VPS13B: variants seen among roughly 807,000 people sequenced by gnomAD.
VPS13B encodes vacuolar protein sorting 13 homolog B.
In VPS13B, 285 loss-of-function variants were observed where a neutral mutation model predicts 426.4. That is an observed-to-expected ratio of 0.67 (90% CI 0.61 to 0.74). The LOEUF (loss-of-function observed/expected upper bound fraction) is 0.74. VPS13B is among the 30% of genes least tolerant of loss of function. VPS13B has a pLI of 0.00. For missense variants in VPS13B, 4,537 were observed against 4,782.6 expected, an observed-to-expected ratio of 0.95 and a Z score of 1.51; for synonymous variants, 1,676 against 1,676.4, an observed-to-expected ratio of 1.00 and a Z score of 0.01.
chr8:99,574,916 C>T (rs973482690), intron 31 of VPS13B, among the ~76,000 whole-genome samples: 1 of 152,164 alleles, frequency 6.6e-6, no homozygotes, highest in African/African-American at 2.4e-5. Context: ...GTAATCCCAG[C>T]ACTTTGAGAG....
At chr8:99,536,832 C>T in intron 30 of VPS13B, 1 of 508,810 alleles carries the variant, frequency 2.0e-6, no homozygotes, top group Non-Finnish European at 4.1e-6. Flanking sequence ...TTTAAGAACA[C>T]CTGATAAAAC....
intron 17 of VPS13B, among the ~76,000 whole-genome samples, chr8:99,266,653 G>C (rs757115125): frequency 1.3e-5 from 2 of 152,074 alleles, no homozygotes; most frequent in South Asian, 4.1e-4. Flanking sequence ...GTGAGTTCTA[G>C]AGGGACGTGA....
rs1185446194 is a variant in VPS13B at position 99,821,308 on chromosome 8, T to G, written c.9009T>G (p.Ile3003Met). 6.2e-7 allele frequency: 1 copy of G among 1,613,432 alleles called. No individual in the cohort carries two copies. Among genetic ancestry groups the G allele is most frequent in the Non-Finnish European group, 8.5e-7 (1 of 1,179,688 alleles). ...IPPNFQEAFQ[I>M]GIYWANTNTV... is the part of the protein sequence containing the mutation. ...TATTTTTCCAGGAAGCTTTTCAAATTGGAATATACTGGGCAAATACAAACA... is the reference window on the plus strand; with the variant it reads ...TATTTTTCCAGGAAGCTTTTCAAATGGGAATATACTGGGCAAATACAAACA... The change falls in exon 50 of 62, where the codon ATT becomes ATG. Residue 3003 changes from isoleucine (I) to methionine (M), a missense_variant. Physicochemically the swap from Ile to Met is conservative, Grantham distance 10. Coordinates refer to ENST00000357162, the MANE Select transcript of VPS13B (RefSeq NM_152564.5).
In VPS13B at chr8:99,531,655, AT is replaced by A. The variant is rs1822943019; in HGVS notation, c.4745+10651del. ...AACAATTATGACTATTTTCACATGT[AT>A]TTTTTATATAGCAAAATTATAGCAA... On this transcript the variant is annotated intron_variant, in intron 30 of 61. Transcript: ENST00000357162. Among the ~76,000 whole-genome samples the A allele has an allele frequency of 2.0e-5, 3 of 152,014 alleles. No homozygotes were observed. In the South Asian group the frequency reaches 6.2e-4, roughly 32 times the overall value.
intron 39 of VPS13B, among the ~76,000 whole-genome samples, chr8:99,748,682 C>A (rs16897656): frequency 0.088 from 13,316 of 152,018 alleles, 1,036 homozygotes; most frequent in African/African-American, 0.21. Flanking sequence ...GTGCTTGACT[C>A]CTTTTTTTTG....
intron 21 of VPS13B, among the ~76,000 whole-genome samples, chr8:99,419,700 A>G (rs1816267565): frequency 6.6e-6 from 1 of 152,212 alleles, no homozygotes; most frequent in South Asian, 2.1e-4. Context: ...TCAAATAAAA[A>G]TGAAACCACA....
At chr8:99,563,822 T>G (rs1449179048) in intron 31 of VPS13B, among the ~76,000 whole-genome samples, 1 of 152,240 alleles carries the variant, frequency 6.6e-6, no homozygotes, top group Non-Finnish European at 1.5e-5. Context: ...AATGTGAATG[T>G]TTATGAAAGA....
chr8:99,835,480 G>A, intron 53 of VPS13B, 59 bp from the exon 54 acceptor site: 1 of 1,559,816 alleles, frequency 6.4e-7, no homozygotes, highest in South Asian at 1.1e-5. Context: ...ATTATGTTCT[G>A]TCCCCCAAGT....
At chr8:99,658,986 C>T (rs1039650290) in intron 34 of VPS13B, among the ~76,000 whole-genome samples, 3 of 152,006 alleles carry the variant, frequency 2.0e-5, no homozygotes, top group Admixed American at 6.6e-5. Flanking sequence ...GGTGCCACCA[C>T]GCCCAGCTAA....
At chr8:99,559,581 G>A (rs542634833) in intron 31 of VPS13B, among the ~76,000 whole-genome samples, 43 of 152,252 alleles carry the variant, frequency 2.8e-4, no homozygotes, top group African/African-American at 1.0e-3. Flanking sequence ...ATTAATTTTT[G>A]TATAAGGTGT....
At chr8:99,381,369 T>A (rs1813795464) in intron 19 of VPS13B, among the ~76,000 whole-genome samples, 1 of 152,164 alleles carries the variant, frequency 6.6e-6, no homozygotes, top group Non-Finnish European at 1.5e-5. Context: ...GGAACATACG[T>A]TTGCATGTGT....
intron 29 of VPS13B, 144 bp from the exon 30 acceptor site, chr8:99,520,755 C>A: frequency 4.3e-6 from 2 of 466,798 alleles, no homozygotes; most frequent in Non-Finnish European, 3.9e-6. Context: ...TTATTTTAAA[C>A]ATGATTTTTT....
intron 33 of VPS13B, among the ~76,000 whole-genome samples, chr8:99,602,412 A>G (rs1827350026): frequency 6.6e-6 from 1 of 152,158 alleles, no homozygotes; most frequent in Non-Finnish European, 1.5e-5. Flanking sequence ...CTTGTAGTAC[A>G]GTTTGAAGTC....
intron 33 of VPS13B, among the ~76,000 whole-genome samples, chr8:99,605,587 G>T (rs1024707364): frequency 1.3e-5 from 2 of 152,082 alleles, no homozygotes; most frequent in Non-Finnish European, 2.9e-5. Flanking sequence ...CATCATTCTA[G>T]TTTTTTCCTC....
chr8:99,478,447 G>GTTTTGTTTTTTTTTTTTTT (rs1819822769), intron 24 of VPS13B, among the ~76,000 whole-genome samples: 3 of 85,778 alleles, frequency 3.5e-5, no homozygotes, highest in Admixed American at 1.4e-4. Context: ...TTTTTGTTTT[G>GTTTTGTTTTTTTTTTTTTT]TTTTTTTTTT....
chr8:99,579,304 A>T (rs1825930192), intron 33 of VPS13B, among the ~76,000 whole-genome samples: 1 of 152,248 alleles, frequency 6.6e-6, no homozygotes, highest in South Asian at 2.1e-4. Context: ...AAGACATTTT[A>T]GTTACATAGA....
intron 35 of VPS13B, among the ~76,000 whole-genome samples, chr8:99,680,826 C>T (rs1831126698): frequency 6.6e-6 from 1 of 152,056 alleles, no homozygotes; most frequent in Non-Finnish European, 1.5e-5. Flanking sequence ...GTTATATTTC[C>T]AGTTCCTGTA....
At chr8:99,122,552 C>T (rs1264786521) in intron 8 of VPS13B, among the ~76,000 whole-genome samples, 1 of 152,132 alleles carries the variant, frequency 6.6e-6, no homozygotes, top group Non-Finnish European at 1.5e-5. Flanking sequence ...ATTTTACCTT[C>T]TCTTCCTCTC....
chr8:99,832,055 G>A (rs1815094371), intron 51 of VPS13B, among the ~76,000 whole-genome samples: 2 of 152,132 alleles, frequency 1.3e-5, no homozygotes, highest in South Asian at 4.1e-4. Context: ...GAGGTCAGGA[G>A]TTTGAGACCA....
Sources: allele counts gnomAD v4.1 joint callset (sites outside exome capture counted in the v4.1 genomes callset), GRCh38; gene constraint gnomAD v4.1.1; transcripts MANE v1.5; gene names NCBI Gene and HGNC (gene_info 2026-07-23, HGNC 2026-07-21).